FTO: variants seen among roughly 807,000 people sequenced by gnomAD.
FTO encodes alpha-ketoglutarate-dependent dioxygenase FTO.
Under a neutral mutation model 63.9 loss-of-function variants are expected in FTO, and 47 were observed. The observed-to-expected ratio is 0.74, with a 90% CI of 0.58 to 0.94. FTO has a LOEUF of 0.94. Among genes scored for constraint, FTO ranks in the 40% least tolerant of loss-of-function variants. The probability of loss-of-function intolerance (pLI) is 0.00; values close to 1 mark genes in which losing one functional copy is unlikely to be tolerated. For missense variants in FTO, 562 were observed against 618.1 expected (o/e 0.91, Z 0.96); for synonymous variants, 207 against 224.4 (o/e 0.92, Z 0.69).
intron 4 of FTO, among the ~76,000 whole-genome samples, chr16:53,859,584 T>C (rs571489567): frequency 6.6e-6 from 1 of 150,498 alleles, no homozygotes; most frequent in East Asian, 1.9e-4. Context: ...CTCATAAAAC[T>C]CAATAGCAGG....
At chr16:54,004,941 G>A (rs1195772986) in intron 8 of FTO, among the ~76,000 whole-genome samples, 1 of 151,844 alleles carries the variant, frequency 6.6e-6, no homozygotes, top group Non-Finnish European at 1.5e-5. Flanking sequence ...ATGGTGGCAG[G>A]TGCCTGTAGT....
At chr16:53,909,904 A>C (rs1452106692) in intron 7 of FTO, among the ~76,000 whole-genome samples, 1 of 151,760 alleles carries the variant, frequency 6.6e-6, no homozygotes, top group Non-Finnish European at 1.5e-5. Context: ...AAGGGACAGG[A>C]TCTTGCTCTG....
intron 1 of FTO, among the ~76,000 whole-genome samples, chr16:53,757,347 C>G (rs2076948183): frequency 6.6e-6 from 1 of 151,976 alleles, no homozygotes; most frequent in African/African-American, 2.4e-5. Flanking sequence ...TATGGCTGAT[C>G]ATTTTGTGTT....
intron 8 of FTO, among the ~76,000 whole-genome samples, chr16:54,027,825 T>C: frequency 6.6e-6 from 1 of 152,202 alleles, no homozygotes; most frequent in Admixed American, 6.5e-5. Context: ...TTGTTTATAG[T>C]GTATTGTTCT....
chr16:53,769,186 A>G (rs1286481831), intron 1 of FTO, among the ~76,000 whole-genome samples: 2 of 152,178 alleles, frequency 1.3e-5, no homozygotes, highest in Non-Finnish European at 2.9e-5. Context: ...GTGGTATTGC[A>G]TATTCGATTA....
chr16:53,973,758 T>C (rs886633406), intron 8 of FTO, among the ~76,000 whole-genome samples: 1 of 152,130 alleles, frequency 6.6e-6, no homozygotes, highest in Non-Finnish European at 1.5e-5. Context: ...GAGGGAACTT[T>C]GGGGCGAGTG....
At chr16:53,857,448 C>T (rs1302016441) in intron 4 of FTO, among the ~76,000 whole-genome samples, 2 of 150,326 alleles carry the variant, frequency 1.3e-5, no homozygotes, top group Non-Finnish European at 2.9e-5. Context: ...TGGTCTCTCT[C>T]TCTCTCTCTC....
chr16:54,111,301 T>C lies in FTO; in HGVS notation c.1365-461T>C, dbSNP rs140443807. ...AAATCTCCAGGATCTCCAAAGTCAA[T>C]CCCGGCCTGTAATATTGTTTAATCT... On this transcript the variant is annotated intron_variant, in intron 8 of 8. Coordinates refer to ENST00000471389, the MANE Select transcript of FTO (RefSeq NM_001080432.3). Among the ~76,000 whole-genome samples the C allele has an allele frequency of 9.4e-3, 1,437 of 152,318 alleles. 14 individuals are homozygous for C. Among genetic ancestry groups the C allele is most frequent in the Non-Finnish European group, 0.015 (1,013 of 68,032 alleles).
At position 53,934,014 on chromosome 16, in the gene FTO, A is replaced by G. The variant is rs1012362580; in HGVS notation, c.1269A>G (p.Arg423=). 1 of 1,613,978 alleles carries G rather than the reference A, an allele frequency of 6.2e-7. No homozygotes were observed. ...ATGCTGTGCTTCATGAAGTTAAAAGAGAGGGGCTCCCCGTGGAACAAAGGA... is the reference window on the plus strand; with the variant it reads ...ATGCTGTGCTTCATGAAGTTAAAAGGGAGGGGCTCCCCGTGGAACAAAGGA... The part of the protein sequence containing the change: ...VTNAVLHEVK[R]EGLPVEQRNE... Residue 423 remains arginine (R), a synonymous_variant, in exon 8 of 9, where the codon AGA becomes AGG. Transcript: ENST00000471389.
At chr16:53,906,118 C>T (rs114401560) in intron 7 of FTO, among the ~76,000 whole-genome samples, 12 of 152,292 alleles carry the variant, frequency 7.9e-5, no homozygotes, top group Admixed American at 2.6e-4. Flanking sequence ...CTCCAGGCAT[C>T]GGGGTTCAGT....
intron 8 of FTO, among the ~76,000 whole-genome samples, chr16:53,975,153 C>T (rs1023068425): frequency 6.0e-5 from 9 of 151,164 alleles, no homozygotes; most frequent in East Asian, 1.9e-4. Context: ...ACTAAAGCCA[C>T]GCTAACATTT....
chr16:54,079,115 A>G (rs572291407), intron 8 of FTO, among the ~76,000 whole-genome samples: 1 of 152,162 alleles, frequency 6.6e-6, no homozygotes, highest in East Asian at 1.9e-4. Flanking sequence ...ATTACTGACT[A>G]TTATGTGACA....
chr16:53,900,657 C>T (rs2081384239), intron 7 of FTO, among the ~76,000 whole-genome samples: 1 of 105,192 alleles, frequency 9.5e-6, no homozygotes, highest in Non-Finnish European at 1.7e-5. Context: ...TGGAGTTATA[C>T]AAAGAGCTAG....
At chr16:53,823,060 T>A (rs1263028423) in intron 2 of FTO, among the ~76,000 whole-genome samples, 1 of 152,188 alleles carries the variant, frequency 6.6e-6, no homozygotes, top group Non-Finnish European at 1.5e-5. Context: ...CAGAGACATC[T>A]CTACATGCCA....
chr16:53,718,134 C>T (rs2075941694), intron 1 of FTO, among the ~76,000 whole-genome samples: 1 of 152,006 alleles, frequency 6.6e-6, no homozygotes, highest in Non-Finnish European at 1.5e-5. Context: ...TGTGGTAAAT[C>T]ATTTTTCTCA....
At chr16:54,056,825 T>C (rs1293866721) in intron 8 of FTO, among the ~76,000 whole-genome samples, 1 of 152,216 alleles carries the variant, frequency 6.6e-6, no homozygotes, top group Non-Finnish European at 1.5e-5. Flanking sequence ...TGTGAAATAA[T>C]AATGTTTGTT....
rs1438213942 is a variant in FTO at position 53,929,393 on chromosome 16, G to A, written c.1240-4592G>A. 3.9e-5 allele frequency among the ~76,000 whole-genome samples: 6 copies of A among 152,190 alleles called. No homozygotes were observed. In the East Asian group the frequency reaches 7.7e-4, roughly 20 times the overall value. On this transcript the variant is annotated intron_variant, in intron 7 of 8. Coordinates refer to ENST00000471389, the MANE Select transcript of FTO (RefSeq NM_001080432.3). ...TTGCTCAGCCCTTTTTATTGCTGTA[G>A]TGGTGTTCTGTTGTATGGATGTACC... is the stretch of plus-strand genomic sequence containing the variant.
chr16:54,081,696 GAAATTCA>G (rs1366276546), intron 8 of FTO, among the ~76,000 whole-genome samples: 1 of 152,170 alleles, frequency 6.6e-6, no homozygotes, highest in Non-Finnish European at 1.5e-5. Flanking sequence ...CACCTAATCA[GAAATTCA>G]AAATGAACAG....
At chr16:53,805,105 G>T (rs1050952117) in intron 1 of FTO, among the ~76,000 whole-genome samples, 1 of 152,116 alleles carries the variant, frequency 6.6e-6, no homozygotes, top group Non-Finnish European at 1.5e-5. Context: ...AATTTTTACT[G>T]AACCTGACAC....
Sources: gnomAD v4.1 joint callset for allele counts (sites outside exome capture counted in the v4.1 genomes callset) on GRCh38, gnomAD v4.1.1 for gene constraint, MANE v1.5 for transcripts, NCBI Gene and HGNC (gene_info 2026-07-23, HGNC 2026-07-21) for gene names.